The following LRRIQ1 variants were observed in gnomAD, a reference collection of about 807,000 sequenced individuals.
LRRIQ1 encodes the protein leucine rich repeats and IQ motif containing 1, also known as leucine-rich repeat- and IQ domain-containing protein 1.
LRRIQ1 carries 210 observed loss-of-function variants against 211.9 expected under a neutral mutation model. That is an observed-to-expected ratio of 0.99 (90% CI 0.89 to 1.11). The LOEUF is 1.11. Among genes scored for constraint, LRRIQ1 ranks in the 50% most tolerant of loss-of-function variants. LRRIQ1 has a pLI of 0.00. For missense variants in LRRIQ1, 2,136 were observed against 1,939.5 expected (o/e 1.10, Z -1.90); for synonymous variants, 699 against 650.1 (o/e 1.08, Z -1.14).
chr12:85,235,407 A>T (rs1895130762), intron 26 of LRRIQ1, among the ~76,000 whole-genome samples: 1 of 152,190 alleles, frequency 6.6e-6, no homozygotes, highest in Admixed American at 6.6e-5. Context: ...CCTGTGAGAG[A>T]TGAAAGAAGC....
chr12:85,267,763 T>G (rs937414518), downstream of LRRIQ1, among the ~76,000 whole-genome samples: 8 of 152,046 alleles, frequency 5.3e-5, no homozygotes, highest in Non-Finnish European at 1.5e-5. Context: ...AACAATTTTG[T>G]TCTGCTAAGC....
intron 11 of LRRIQ1, among the ~76,000 whole-genome samples, chr12:85,096,304 A>G (rs1309886127): frequency 6.6e-6 from 1 of 152,168 alleles, no homozygotes; most frequent in African/African-American, 2.4e-5. Flanking sequence ...ATTTAGTGCT[A>G]TAAACTTTCC....
intron 15 of LRRIQ1, among the ~76,000 whole-genome samples, chr12:85,112,803 T>C (rs1565841525): frequency 6.6e-6 from 1 of 152,136 alleles, no homozygotes. Context: ...CATTCTCTTA[T>C]AGATAAGATC....
At chr12:85,256,585 A>G (rs79299881) in intron 1 of LRRIQ1, among the ~76,000 whole-genome samples, 334 of 151,728 alleles carry the variant, frequency 2.2e-3, no homozygotes, top group African/African-American at 7.8e-3. Flanking sequence ...TCCATGAAAA[A>G]TTTTTGGGAG....
chr12:85,113,278 A>G (rs570172449), intron 15 of LRRIQ1, among the ~76,000 whole-genome samples: 3 of 152,260 alleles, frequency 2.0e-5, no homozygotes, highest in African/African-American at 7.2e-5. Flanking sequence ...AAGGACATAT[A>G]TTCATTTACG....
chr12:85,044,883 C>T, intron 4 of LRRIQ1, 74 bp downstream of exon 4: 1 of 594,052 alleles, frequency 1.7e-6, no homozygotes, highest in Non-Finnish European at 2.9e-6. Flanking sequence ...AAGATTGATA[C>T]TTCACTGATT....
intron 26 of LRRIQ1, among the ~76,000 whole-genome samples, chr12:85,233,396 T>A (rs1895039525): frequency 6.6e-6 from 1 of 152,020 alleles, no homozygotes; most frequent in African/African-American, 2.4e-5. Flanking sequence ...GAAGAGAGTA[T>A]TCTGACCAGT....
chr12:85,048,973 A>C (rs893993217), intron 6 of LRRIQ1, among the ~76,000 whole-genome samples: 10 of 152,178 alleles, frequency 6.6e-5, no homozygotes, highest in African/African-American at 1.9e-4. Context: ...TGCAAAAGAG[A>C]TCTAACAGCA....
intron 24 of LRRIQ1, among the ~76,000 whole-genome samples, chr12:85,173,564 C>T (rs923766571): frequency 1.3e-5 from 2 of 152,064 alleles, no homozygotes; most frequent in Non-Finnish European, 2.9e-5. Flanking sequence ...TGTGCAAATA[C>T]ACTCTTTTTC....
chr12:85,076,988 CA>C (rs1206627445), intron 11 of LRRIQ1, among the ~76,000 whole-genome samples: 1 of 152,070 alleles, frequency 6.6e-6, no homozygotes, highest in Non-Finnish European at 1.5e-5. Context: ...ATTCCTGTTT[CA>C]GTATTACTCT....
intron 24 of LRRIQ1, among the ~76,000 whole-genome samples, chr12:85,199,153 T>C (rs951004382): frequency 5.9e-5 from 9 of 152,144 alleles, no homozygotes; most frequent in African/African-American, 1.9e-4. Context: ...TTTGTTGCAA[T>C]TGTTTTTGGT....
intron 16 of LRRIQ1, among the ~76,000 whole-genome samples, chr12:85,123,688 G>T (rs1162030671): frequency 6.6e-6 from 1 of 152,184 alleles, no homozygotes; most frequent in African/African-American, 2.4e-5. Context: ...CGTGGCAAAA[G>T]TCAATGTAGA....
At chr12:85,230,674 T>G (rs1318744195) in intron 25 of LRRIQ1, among the ~76,000 whole-genome samples, 2 of 152,184 alleles carry the variant, frequency 1.3e-5, no homozygotes, top group Non-Finnish European at 2.9e-5. Flanking sequence ...AGAGATGATA[T>G]TTTTACATAG....
intron 6 of LRRIQ1, among the ~76,000 whole-genome samples, chr12:85,049,926 C>G (rs894585803): frequency 1.3e-5 from 2 of 152,172 alleles, no homozygotes; most frequent in Non-Finnish European, 2.9e-5. Flanking sequence ...TTGATTCTGT[C>G]ACATCTTTGG....
intron 19 of LRRIQ1, among the ~76,000 whole-genome samples, chr12:85,150,125 CTGTT>C (rs1469132242): frequency 6.6e-6 from 1 of 151,664 alleles, no homozygotes; most frequent in Non-Finnish European, 1.5e-5. Context: ...TTTAAAAAGG[CTGTT>C]TGTATAAAAT....
rs982873203 is a variant in LRRIQ1 at position 85,137,890 on chromosome 12, C to T, written c.4250C>T (p.Thr1417Ile). Residue 1417 changes from threonine to isoleucine, a missense_variant, in exon 19 of 27, where the codon ACA becomes ATA. Transcript: ENST00000393217. ...KGFILRKKLT[T>I]ALEAIKNEES... is the part of the protein sequence containing the mutation. ...TTTATTTTGCGAAAGAAACTGACAA[C>T]AGCTCTAGAGGCTATTAAGAATGAA... is the stretch of plus-strand genomic sequence containing the variant. The T allele has an allele frequency of 1.3e-5, 20 of 1,590,970 alleles. No individual in the cohort carries two copies. Among genetic ancestry groups the T allele is most frequent in the Non-Finnish European group, 1.7e-5 (20 of 1,167,264 alleles).
intron 15 of LRRIQ1, among the ~76,000 whole-genome samples, chr12:85,113,013 C>A (rs1401379287): frequency 6.6e-6 from 1 of 152,112 alleles, no homozygotes; most frequent in East Asian, 1.9e-4. Flanking sequence ...GATATAATCA[C>A]TTTTCCTTAC....
chr12:85,173,502 G>A (rs1318103326), intron 24 of LRRIQ1, among the ~76,000 whole-genome samples: 1 of 152,074 alleles, frequency 6.6e-6, no homozygotes, highest in Non-Finnish European at 1.5e-5. Flanking sequence ...AATTCCTGAT[G>A]AGGGCTCCTG....
intron 26 of LRRIQ1, among the ~76,000 whole-genome samples, chr12:85,242,318 A>C (rs913001712): frequency 6.6e-6 from 1 of 151,990 alleles, no homozygotes; most frequent in Admixed American, 6.6e-5. Context: ...TCAAACAAAC[A>C]AAAAATAACA....
Sources: allele counts gnomAD v4.1 joint callset (sites outside exome capture counted in the v4.1 genomes callset), GRCh38; gene constraint gnomAD v4.1.1; transcripts MANE v1.5; gene names NCBI Gene and HGNC (gene_info 2026-07-23, HGNC 2026-07-21).